Variants in P4HA1 observed in about 807,000 individuals in gnomAD.
P4HA1 encodes the protein prolyl 4-hydroxylase subunit alpha-1.
Under a neutral mutation model 72.8 loss-of-function variants are expected in P4HA1, and 24 were observed. That is an observed-to-expected ratio of 0.33 (90% confidence interval 0.24 to 0.46). P4HA1 has a LOEUF of 0.46. Among genes scored for constraint, P4HA1 ranks in the 20% least tolerant of loss-of-function variants. The probability of loss-of-function intolerance (pLI) is 1.00; values close to 1 mark genes in which losing one functional copy is unlikely to be tolerated. For synonymous variants in P4HA1, 201 were observed against 218.8 expected (o/e 0.92, Z 0.72); for missense variants, 446 against 640.6 (o/e 0.70, Z 3.28).
At chr10:73,040,752 G>A (rs1284182964) in intron 9 of P4HA1, among the ~76,000 whole-genome samples, 2 of 151,970 alleles carry the variant, frequency 1.3e-5, no homozygotes, top group Admixed American at 6.6e-5. Context: ...GATTACAGGC[G>A]TGAGCCACCA....
At chr10:73,038,786 C>A (rs1840663656) in intron 9 of P4HA1, among the ~76,000 whole-genome samples, 1 of 137,442 alleles carries the variant, frequency 7.3e-6, no homozygotes, top group African/African-American at 3.1e-5. Flanking sequence ...GCCACTACGC[C>A]CGGCTAATTT....
chr10:73,020,611 T>A (rs1331588304), intron 10 of P4HA1, among the ~76,000 whole-genome samples: 1 of 151,788 alleles, frequency 6.6e-6, no homozygotes, highest in Admixed American at 6.6e-5. Context: ...ATCACAGACA[T>A]AATGAAAAAA....
intron 9 of P4HA1, among the ~76,000 whole-genome samples, chr10:73,035,651 A>G (rs567975043): frequency 1.2e-4 from 18 of 152,330 alleles, no homozygotes; most frequent in East Asian, 3.9e-4. Flanking sequence ...ACAAAATGCT[A>G]TATCTTTGCA....
intron 10 of P4HA1, among the ~76,000 whole-genome samples, chr10:73,023,349 C>T (rs910315377): frequency 6.6e-6 from 1 of 152,048 alleles, no homozygotes; most frequent in Non-Finnish European, 1.5e-5. Context: ...ATTCAACATT[C>T]TTAAAAAAAA....
intron 5 of P4HA1, among the ~76,000 whole-genome samples, chr10:73,058,055 A>C (rs1170551070): frequency 7.3e-6 from 1 of 137,110 alleles, no homozygotes; most frequent in Non-Finnish European, 1.5e-5. Context: ...GCACCACTGC[A>C]CTCCAGTCTG....
chr10:73,014,601 C>G (rs1022285041), intron 11 of P4HA1, among the ~76,000 whole-genome samples: 1 of 152,094 alleles, frequency 6.6e-6, no homozygotes, highest in Non-Finnish European at 1.5e-5. Context: ...AACTTGTATA[C>G]TGGATACTTT....
At chr10:73,051,929 C>T (rs1233633533) in intron 6 of P4HA1, among the ~76,000 whole-genome samples, 3 of 151,860 alleles carry the variant, frequency 2.0e-5, no homozygotes, top group Non-Finnish European at 4.4e-5. Context: ...AAGATTTTTC[C>T]AAGACAGAAA....
At chr10:73,085,735 G>A (rs936268155) in intron 1 of P4HA1, among the ~76,000 whole-genome samples, 1 of 151,994 alleles carries the variant, frequency 6.6e-6, no homozygotes, top group Non-Finnish European at 1.5e-5. Context: ...CTCCAAAGAG[G>A]CAAGTACATG....
intron 7 of P4HA1, among the ~76,000 whole-genome samples, chr10:73,048,491 CT>C (rs1221436152): frequency 6.6e-6 from 1 of 152,158 alleles, no homozygotes; most frequent in Non-Finnish European, 1.5e-5. Context: ...TCTTGAACTC[CT>C]GACCTCAGGT....
chr10:73,089,682 A>C (rs1264979320), intron 1 of P4HA1, among the ~76,000 whole-genome samples: 1 of 149,942 alleles, frequency 6.7e-6, no homozygotes, highest in Non-Finnish European at 1.5e-5. Context: ...ATCTCAAATT[A>C]TGCTGAGTGT....
chr10:73,042,080 A>C (rs765788393), intron 9 of P4HA1, among the ~76,000 whole-genome samples: 1 of 151,974 alleles, frequency 6.6e-6, no homozygotes, highest in Non-Finnish European at 1.5e-5. Flanking sequence ...TCATTTCTAA[A>C]GGCTTCTTGT....
intron 9 of P4HA1, among the ~76,000 whole-genome samples, chr10:73,037,409 G>A (rs959759946): frequency 1.3e-5 from 2 of 148,956 alleles, no homozygotes; most frequent in African/African-American, 4.9e-5. Context: ...CTTCTAATAT[G>A]TGAGTAAGGA....
chr10:73,052,792 T>G (rs1013548036), intron 6 of P4HA1, among the ~76,000 whole-genome samples: 1 of 152,192 alleles, frequency 6.6e-6, no homozygotes, highest in African/African-American at 2.4e-5. Context: ...TCTCCAGAGA[T>G]TACAATTTAG....
intron 7 of P4HA1, among the ~76,000 whole-genome samples, chr10:73,050,045 A>T (rs890506093): frequency 6.6e-6 from 1 of 152,106 alleles, no homozygotes. Flanking sequence ...GAATGCCTGT[A>T]GTCCCAGCTA....
chr10:73,026,269 T>C (rs1409105322), intron 10 of P4HA1, among the ~76,000 whole-genome samples: 1 of 151,998 alleles, frequency 6.6e-6, no homozygotes, highest in Non-Finnish European at 1.5e-5. Context: ...CATAGACCAA[T>C]AGAACAGAAC....
chr10:73,037,308 T>TA (rs202154662), intron 9 of P4HA1, among the ~76,000 whole-genome samples: 19,972 of 120,000 alleles, frequency 0.17, 1,793 homozygotes, highest in East Asian at 0.3. Context: ...TTTCCGCTGT[T>TA]AAAAAAAAAA....
intron 9 of P4HA1, among the ~76,000 whole-genome samples, chr10:73,042,937 TCCTACAGTGACACATTTTTATG>T (rs1383445696): frequency 1.3e-5 from 2 of 152,210 alleles, no homozygotes; most frequent in African/African-American, 2.4e-5. Flanking sequence ...AGAAACCTTG[TCCTACAGTGACACATTTTTATG>T]CCTGAAAATC....
At chr10:73,031,046 T>C (rs1589587550) in intron 9 of P4HA1, among the ~76,000 whole-genome samples, 1 of 148,730 alleles carries the variant, frequency 6.7e-6, no homozygotes, top group Non-Finnish European at 1.5e-5. Context: ...CTTATGTCCA[T>C]ACAATAACTT....
intron 9 of P4HA1, among the ~76,000 whole-genome samples, chr10:73,040,647 T>G (rs1311101041): frequency 6.6e-6 from 1 of 151,960 alleles, no homozygotes; most frequent in Non-Finnish European, 1.5e-5. Context: ...CTAATTTTTG[T>G]ATTTTTAGTA....
Sources: allele counts gnomAD v4.1 joint callset (sites outside exome capture counted in the v4.1 genomes callset), GRCh38; gene constraint gnomAD v4.1.1; transcripts MANE v1.5; gene names NCBI Gene and HGNC (gene_info 2026-07-23, HGNC 2026-07-21).